PKIB: variants seen among roughly 807,000 people sequenced by gnomAD.
The protein encoded by PKIB is PKI-beta.
Under a neutral mutation model 4.5 loss-of-function variants are expected in PKIB, and 2 were observed. The ratio of observed to expected loss-of-function variants is 0.44; its 90% CI spans 0.18 to 1.39. PKIB has a LOEUF of 1.39. Ranked by LOEUF, PKIB falls within the 40% of genes most tolerant of loss-of-function variation. PKIB has a pLI of 0.27. For missense variants in PKIB, 94 were observed against 92.6 expected, an observed-to-expected ratio of 1.02 and a Z score of -0.06; for synonymous variants, 38 against 36.0, an observed-to-expected ratio of 1.06 and a Z score of -0.20.
chr6:122,683,354 G>T (rs1363448292), intron 3 of PKIB, among the ~76,000 whole-genome samples: 1 of 152,002 alleles, frequency 6.6e-6, no homozygotes, highest in African/African-American at 2.4e-5. Flanking sequence ...GCAAAAGGAG[G>T]AGCAAGTGAG....
At chr6:122,525,064 T>C (rs1386302164) in intron 2 of PKIB, among the ~76,000 whole-genome samples, 1 of 152,048 alleles carries the variant, frequency 6.6e-6, no homozygotes, top group Non-Finnish European at 1.5e-5. Flanking sequence ...TGTTAATTTT[T>C]TTTTTAAATG....
chr6:122,618,757 A>G (rs1345343781), intron 1 of PKIB, among the ~76,000 whole-genome samples: 2 of 152,100 alleles, frequency 1.3e-5, no homozygotes, highest in Non-Finnish European at 2.9e-5. Flanking sequence ...AAACAATAGC[A>G]TAGTAGATAA....
chr6:122,505,254 G>A (rs1776360361), intron 2 of PKIB, among the ~76,000 whole-genome samples: 1 of 152,166 alleles, frequency 6.6e-6, no homozygotes, highest in African/African-American at 2.4e-5. Context: ...AGATAAGAGA[G>A]CAGATCTCGC....
At chr6:122,545,570 T>C (rs1283560593) in intron 2 of PKIB, among the ~76,000 whole-genome samples, 2 of 150,998 alleles carry the variant, frequency 1.3e-5, no homozygotes, top group Admixed American at 6.6e-5. Context: ...CGATAGGTAG[T>C]TTTCCAGTCT....
intron 2 of PKIB, among the ~76,000 whole-genome samples, chr6:122,634,229 G>A (rs1775821664): frequency 6.6e-6 from 1 of 151,952 alleles, no homozygotes; most frequent in Admixed American, 6.6e-5. Flanking sequence ...GCAAGGGGAG[G>A]GATAACATTA....
At chr6:122,515,681 T>C (rs548391272) in intron 2 of PKIB, among the ~76,000 whole-genome samples, 203 of 152,318 alleles carry the variant, frequency 1.3e-3, no homozygotes, top group Middle Eastern at 6.8e-3. Context: ...TCTTGTTTAT[T>C]AATTAAAATA....
intron 2 of PKIB, among the ~76,000 whole-genome samples, chr6:122,558,177 T>C (rs1050758952): frequency 2.6e-5 from 4 of 152,192 alleles, no homozygotes; most frequent in African/African-American, 9.6e-5. Context: ...TGAATTTAGA[T>C]ACACACACAA....
intron 4 of PKIB, among the ~76,000 whole-genome samples, chr6:122,721,140 C>T (rs931429150): frequency 8.5e-5 from 13 of 152,146 alleles, no homozygotes; most frequent in African/African-American, 1.4e-4. Context: ...GAAGGAAAGA[C>T]GGAGCCTTAG....
chr6:122,618,453 T>C (rs1332783430), intron 1 of PKIB, among the ~76,000 whole-genome samples: 1 of 152,114 alleles, frequency 6.6e-6, no homozygotes, highest in Non-Finnish European at 1.5e-5. Flanking sequence ...TCCTAACCTT[T>C]AACATTTTTT....
chr6:122,493,396 A>G (rs1164141402), intron 2 of PKIB: 1 of 152,240 alleles, frequency 6.6e-6, no homozygotes, highest in Admixed American at 6.5e-5. Flanking sequence ...TAGCCTTCAG[A>G]AATGTGAGAA....
At chr6:122,488,376 A>G (rs1775832065) in intron 2 of PKIB, among the ~76,000 whole-genome samples, 1 of 152,220 alleles carries the variant, frequency 6.6e-6, no homozygotes, top group South Asian at 2.1e-4. Context: ...CCCCCCACCT[A>G]GAAGCTGAAT....
intron 2 of PKIB, among the ~76,000 whole-genome samples, chr6:122,530,004 A>G (rs1271043452): frequency 6.6e-6 from 1 of 151,722 alleles, no homozygotes; most frequent in Non-Finnish European, 1.5e-5. Flanking sequence ...TTCAGCCATT[A>G]TTTTTTCAAA....
chr6:122,481,549 G>A (rs79832391), intron 2 of PKIB: 4 of 152,138 alleles, frequency 2.6e-5, no homozygotes, highest in African/African-American at 7.2e-5. Flanking sequence ...GTTTTTGATT[G>A]TTATAATGTG....
At chr6:122,626,508 A>G (rs996618018) in intron 1 of PKIB, among the ~76,000 whole-genome samples, 3 of 152,320 alleles carry the variant, frequency 2.0e-5, no homozygotes, top group East Asian at 3.9e-4. Flanking sequence ...TGGGGCAGAG[A>G]TTATGATTAA....
At chr6:122,500,085 G>A (rs1776184558) in intron 2 of PKIB, among the ~76,000 whole-genome samples, 1 of 152,176 alleles carries the variant, frequency 6.6e-6, no homozygotes, top group Non-Finnish European at 1.5e-5. Context: ...CATGCCCATG[G>A]ATTGGAAGAA....
intron 2 of PKIB, chr6:122,643,954 T>C (rs1232863414): frequency 6.6e-6 from 1 of 152,142 alleles, no homozygotes; most frequent in African/African-American, 2.4e-5. Flanking sequence ...TCTGTTTGTG[T>C]GGGTATGGTT....
intron 3 of PKIB, among the ~76,000 whole-genome samples, chr6:122,706,986 T>A (rs1367109634): frequency 6.6e-6 from 1 of 152,108 alleles, no homozygotes; most frequent in African/African-American, 2.4e-5. Flanking sequence ...GATATTTTCA[T>A]GGCCTCATTT....
chr6:122,564,758 G>C (rs1222142137), intron 2 of PKIB, among the ~76,000 whole-genome samples: 1 of 152,096 alleles, frequency 6.6e-6, no homozygotes, highest in Non-Finnish European at 1.5e-5. Context: ...TTGACATTGG[G>C]AAGGACCCTT....
intron 2 of PKIB, among the ~76,000 whole-genome samples, chr6:122,550,233 A>C (rs1344862331): frequency 2.0e-5 from 3 of 152,160 alleles, no homozygotes; most frequent in Non-Finnish European, 4.4e-5. Flanking sequence ...CTTTCTAATA[A>C]AAAGTCTAGC....
Sources: gnomAD v4.1 joint callset for allele counts (sites outside exome capture counted in the v4.1 genomes callset) on GRCh38, gnomAD v4.1.1 for gene constraint, MANE v1.5 for transcripts, NCBI Gene and HGNC (gene_info 2026-07-23, HGNC 2026-07-21) for gene names.